Variants in ADGRB3 observed in about 807,000 individuals in gnomAD.
The protein encoded by ADGRB3 is brain-specific angiogenesis inhibitor 3.
Under a neutral mutation model 193.4 loss-of-function variants are expected in ADGRB3, and 37 were observed. The observed-to-expected ratio is 0.19, with a 90% CI of 0.15 to 0.25. The LOEUF (loss-of-function observed/expected upper bound fraction) is 0.25. ADGRB3 is among the 10% of genes least tolerant of loss of function. The pLI is 1.00. For missense variants in ADGRB3, 1,637 were observed against 1,852.9 expected (o/e 0.88, Z 2.14); for synonymous variants, 690 against 644.2 (o/e 1.07, Z -1.08).
chr6:69,302,421 A>T (rs1767966471), intron 20 of ADGRB3, among the ~76,000 whole-genome samples: 1 of 151,912 alleles, frequency 6.6e-6, no homozygotes, highest in South Asian at 2.1e-4. Context: ...TTGTCCCCGA[A>T]GTCAGAAAGT....
chr6:68,785,798 C>G lies in ADGRB3; in HGVS notation c.758-144761C>G, dbSNP rs1219070885. 3.9e-5 allele frequency among the ~76,000 whole-genome samples: 6 copies of G among 152,176 alleles called. 1 individual carries two copies. Among genetic ancestry groups the G allele is most frequent in the Admixed American group, 3.9e-4 (6 of 15,268 alleles). ...ACAGCATAAAAGTGTTCCTATATCT[C>G]TACATCCTCTCCAGCACCTGTTGTT... On this transcript the variant is annotated intron_variant, in intron 3 of 31. Transcript: ENST00000370598.
At chr6:69,147,515 A>G (rs1339963900) in intron 17 of ADGRB3, among the ~76,000 whole-genome samples, 2 of 152,110 alleles carry the variant, frequency 1.3e-5, no homozygotes, top group Non-Finnish European at 2.9e-5. Flanking sequence ...GACACTTCAT[A>G]TGATTTAATT....
In ADGRB3 at chr6:68,777,668, TAAAAAAAAAAA is replaced by T. The variant is rs561834409; in HGVS notation, c.757+138246_757+138256del. Reference sequence around the variant, plus strand: ...GCAATCAATTGATCTCTCTGGGATCTAAAAAAAAAAAAAAAAAAAACGACTACTAAACATGA... The same window carrying T: ...GCAATCAATTGATCTCTCTGGGATCTAAAAAAAAACGACTACTAAACATGA... On this transcript the variant is annotated intron_variant, in intron 3 of 31. Coordinates refer to ENST00000370598, the MANE Select transcript of ADGRB3 (RefSeq NM_001704.3). Among the ~76,000 whole-genome samples, 165 of 78,082 alleles carry T rather than the reference TAAAAAAAAAAA, an allele frequency of 2.1e-3. 6 individuals are homozygous for T. The South Asian group carries it at 0.071, about 33-fold the overall frequency. The allele number at this position is 78,082 out of a possible 152,430, so 51.2% of individuals were successfully genotyped here.
chr6:69,053,160 C>T (rs1394127017), intron 15 of ADGRB3, among the ~76,000 whole-genome samples: 4 of 152,008 alleles, frequency 2.6e-5, no homozygotes, highest in African/African-American at 7.3e-5. Context: ...CCCTCCAGCA[C>T]TGGGTGACAG....
chr6:68,762,499 G>T (rs7739159), intron 3 of ADGRB3, among the ~76,000 whole-genome samples: 89,344 of 149,736 alleles, frequency 0.6, 26,538 homozygotes, highest in Non-Finnish European at 0.61. Flanking sequence ...TATATATATA[G>T]AGAGAGAGAG....
chr6:69,044,722 A>G (rs1771190529), intron 13 of ADGRB3, among the ~76,000 whole-genome samples: 1 of 152,234 alleles, frequency 6.6e-6, no homozygotes, highest in Non-Finnish European at 1.5e-5. Context: ...TGAGTCACCT[A>G]TTTTTATTGC....
chr6:68,793,809 A>G (rs1435635684), intron 3 of ADGRB3, among the ~76,000 whole-genome samples: 2 of 152,194 alleles, frequency 1.3e-5, no homozygotes, highest in African/African-American at 4.8e-5. Flanking sequence ...GATTACAGGC[A>G]TAAGCCACCA....
intron 17 of ADGRB3, among the ~76,000 whole-genome samples, chr6:69,231,723 A>G (rs925475822): frequency 6.6e-6 from 1 of 152,208 alleles, no homozygotes; most frequent in African/African-American, 2.4e-5. Flanking sequence ...GACCTAACAC[A>G]TTCAAAAATG....
At chr6:69,003,853 G>T (rs111416354) in intron 11 of ADGRB3, among the ~76,000 whole-genome samples, 1 of 152,154 alleles carries the variant, frequency 6.6e-6, no homozygotes, top group African/African-American at 2.4e-5. Context: ...CCATAGAAGA[G>T]CCCGGAGTAT....
intron 20 of ADGRB3, among the ~76,000 whole-genome samples, chr6:69,306,419 G>A (rs1768067915): frequency 1.3e-5 from 2 of 151,366 alleles, no homozygotes; most frequent in African/African-American, 4.9e-5. Context: ...GAAAAAATAA[G>A]AAAACTTCCT....
chr6:69,120,999 C>CTTTTTTTTTTTTTTTTTTTT (rs36095516), intron 17 of ADGRB3, among the ~76,000 whole-genome samples: 2 of 123,566 alleles, frequency 1.6e-5, no homozygotes, highest in Non-Finnish European at 1.7e-5. Flanking sequence ...ATGCAGTTAT[C>CTTTTTTTTTTTTTTTTTTTT]TTTTTTTTTT....
At chr6:68,639,513 G>A (rs1030109264) in intron 3 of ADGRB3, 81 bp downstream of exon 3, 1 of 1,403,130 alleles carries the variant, frequency 7.1e-7, no homozygotes, top group Non-Finnish European at 9.4e-7. Context: ...CAACACACAG[G>A]CCTAATTATT....
chr6:69,089,367 T>A (rs1327401357), intron 17 of ADGRB3, among the ~76,000 whole-genome samples: 1 of 152,184 alleles, frequency 6.6e-6, no homozygotes, highest in Non-Finnish European at 1.5e-5. Context: ...GTTTTCATGA[T>A]GAATGTCAAT....
intron 3 of ADGRB3, among the ~76,000 whole-genome samples, chr6:68,777,674 A>T (rs1393832928): frequency 6.6e-6 from 1 of 151,114 alleles, no homozygotes; most frequent in Non-Finnish European, 1.5e-5. Context: ...GATCTAAAAA[A>T]AAAAAAAAAA....
chr6:68,694,977 C>T (rs2585599), intron 3 of ADGRB3, among the ~76,000 whole-genome samples: 57,927 of 151,924 alleles, frequency 0.38, 11,615 homozygotes, highest in East Asian at 0.59. Context: ...TCCCCTCTTA[C>T]GAGGTAATAG....
chr6:69,380,644 A>G (rs775812180), intron 30 of ADGRB3, among the ~76,000 whole-genome samples: 1 of 151,998 alleles, frequency 6.6e-6, no homozygotes, highest in East Asian at 1.9e-4. Context: ...AAATATGAAT[A>G]TATGAAAATG....
intron 10 of ADGRB3, among the ~76,000 whole-genome samples, chr6:68,982,970 C>T (rs1415341379): frequency 6.6e-6 from 1 of 152,124 alleles, no homozygotes; most frequent in African/African-American, 2.4e-5. Flanking sequence ...AAATTTAGTT[C>T]ATCTCATTCT....
chr6:68,841,429 A>G (rs369053834), intron 3 of ADGRB3, among the ~76,000 whole-genome samples: 1 of 152,150 alleles, frequency 6.6e-6, no homozygotes, highest in Non-Finnish European at 1.5e-5. Context: ...GAATAAAACT[A>G]TCAATAGAAA....
intron 20 of ADGRB3, among the ~76,000 whole-genome samples, chr6:69,249,537 A>G (rs971771293): frequency 2.0e-5 from 3 of 152,236 alleles, no homozygotes; most frequent in African/African-American, 7.2e-5. Flanking sequence ...AAACTCTTTC[A>G]TCTGACAGTC....
Sources: allele counts gnomAD v4.1 joint callset (sites outside exome capture counted in the v4.1 genomes callset), GRCh38; gene constraint gnomAD v4.1.1; transcripts MANE v1.5; gene names NCBI Gene and HGNC (gene_info 2026-07-23, HGNC 2026-07-21).